The following LRP1B variants were observed in gnomAD, a reference collection of about 807,000 sequenced individuals.
The protein encoded by LRP1B is low-density lipoprotein receptor-related protein 1B.
In LRP1B, 217 loss-of-function variants were observed where a neutral mutation model predicts 556.6. The observed-to-expected ratio is 0.39, with a 90% confidence interval of 0.35 to 0.44. The LOEUF is 0.44. Ranked by LOEUF, LRP1B falls within the 20% of genes least tolerant of loss-of-function variation. LRP1B has a pLI of 1.00. For synonymous variants in LRP1B, 2,047 were observed against 1,865.8 expected, an observed-to-expected ratio of 1.10 and a Z score of -2.50; for missense variants, 5,053 against 5,620.8, an observed-to-expected ratio of 0.90 and a Z score of 3.23.
At chr2:140,496,169 A>G (rs1291476557) in intron 55 of LRP1B, among the ~76,000 whole-genome samples, 1 of 152,122 alleles carries the variant, frequency 6.6e-6, no homozygotes, top group African/African-American at 2.4e-5. Flanking sequence ...ATGTTATTTC[A>G]TTTGAGCAGT....
intron 2 of LRP1B, among the ~76,000 whole-genome samples, chr2:141,647,319 C>A (rs543965769): frequency 4.6e-5 from 7 of 152,130 alleles, no homozygotes; most frequent in East Asian, 1.9e-4. Context: ...GCCTTAGCAA[C>A]CTTGGAAGCC....
intron 37 of LRP1B, 129 bp downstream of exon 37, chr2:140,715,844 T>G: frequency 3.1e-6 from 2 of 653,138 alleles, no homozygotes; most frequent in Non-Finnish European, 4.8e-6. Context: ...TATAAACATT[T>G]TTTTCTGCTT....
At chr2:140,744,000 T>TAAAAAAAAAAAAAAA (rs1559090792) in intron 35 of LRP1B, among the ~76,000 whole-genome samples, 1 of 46,144 alleles carries the variant, frequency 2.2e-5, no homozygotes. Flanking sequence ...AAGTAAAAAG[T>TAAAAAAAAAAAAAAA]AAAATCCATA....
intron 43 of LRP1B, among the ~76,000 whole-genome samples, chr2:140,593,938 C>A (rs942709159): frequency 6.6e-6 from 1 of 151,830 alleles, no homozygotes; most frequent in Non-Finnish European, 1.5e-5. Flanking sequence ...AGTGTATCAG[C>A]ATTTTTCAAA....
At chr2:142,055,476 A>T (rs144703282) in intron 1 of LRP1B, among the ~76,000 whole-genome samples, 2 of 152,308 alleles carry the variant, frequency 1.3e-5, no homozygotes, top group East Asian at 3.9e-4. Flanking sequence ...AATGTACAGG[A>T]GCCCTTTGAG....
chr2:140,935,611 A>T (rs977674241), intron 20 of LRP1B, among the ~76,000 whole-genome samples: 3 of 152,156 alleles, frequency 2.0e-5, no homozygotes, highest in African/African-American at 7.2e-5. Flanking sequence ...GAATATCTAA[A>T]GAAAACTTTA....
At chr2:141,446,475 C>T (rs1005612299) in intron 3 of LRP1B, among the ~76,000 whole-genome samples, 17 of 152,044 alleles carry the variant, frequency 1.1e-4, no homozygotes, top group African/African-American at 3.9e-4. Context: ...GTTATTTGGC[C>T]CATTAGTTGA....
At chr2:140,396,304 C>T (rs1684255075) in intron 66 of LRP1B, among the ~76,000 whole-genome samples, 1 of 152,154 alleles carries the variant, frequency 6.6e-6, no homozygotes, top group Admixed American at 6.5e-5. Context: ...AAAGTAAATA[C>T]ATTAAAAGTT....
chr2:140,644,391 TTTCTTTTTTC>T (rs1684405286), intron 41 of LRP1B, among the ~76,000 whole-genome samples: 1 of 147,348 alleles, frequency 6.8e-6, no homozygotes, highest in African/African-American at 2.6e-5. Flanking sequence ...CATTTCTTTC[TTTCTTTTTTC>T]TTTTTTTTTT....
At chr2:141,634,702 A>C (rs888533079) in intron 2 of LRP1B, among the ~76,000 whole-genome samples, 5 of 152,100 alleles carry the variant, frequency 3.3e-5, no homozygotes, top group African/African-American at 9.6e-5. Flanking sequence ...TATATAGCTA[A>C]TATTTTTTAT....
At chr2:140,457,127 C>T (rs1573960458) in intron 61 of LRP1B, among the ~76,000 whole-genome samples, 2 of 152,114 alleles carry the variant, frequency 1.3e-5, no homozygotes, top group African/African-American at 4.8e-5. Flanking sequence ...CATAATTCCT[C>T]CTACTCAGCA....
chr2:141,217,135 C>T (rs550959157), intron 6 of LRP1B, among the ~76,000 whole-genome samples: 5 of 152,156 alleles, frequency 3.3e-5, no homozygotes, highest in East Asian at 3.9e-4. Context: ...TAATCTCCAA[C>T]GTTGGAGGTG....
At chr2:141,642,269 C>T (rs531851115) in intron 2 of LRP1B, among the ~76,000 whole-genome samples, 15 of 152,022 alleles carry the variant, frequency 9.9e-5, no homozygotes, top group Non-Finnish European at 2.2e-4. Flanking sequence ...ATTCATTTAC[C>T]TCTCTGAATC....
chr2:141,008,523 T>C (rs941385228), intron 14 of LRP1B, among the ~76,000 whole-genome samples: 2 of 151,662 alleles, frequency 1.3e-5, no homozygotes, highest in African/African-American at 4.8e-5. Flanking sequence ...GAAAAAGACA[T>C]ACTAAATATA....
chr2:140,866,585 A>G (rs1167244201), intron 27 of LRP1B, among the ~76,000 whole-genome samples: 1 of 152,108 alleles, frequency 6.6e-6, no homozygotes, highest in African/African-American at 2.4e-5. Flanking sequence ...AAGAAAATAG[A>G]AACTGAGAAA....
At chr2:141,105,126 A>G (rs940100936) in intron 7 of LRP1B, among the ~76,000 whole-genome samples, 5 of 152,104 alleles carry the variant, frequency 3.3e-5, no homozygotes, top group African/African-American at 1.2e-4. Context: ...TGCATTTATC[A>G]TTTTGGAATT....
intron 7 of LRP1B, among the ~76,000 whole-genome samples, chr2:141,172,598 G>T (rs1680549495): frequency 6.6e-6 from 1 of 151,864 alleles, no homozygotes; most frequent in Non-Finnish European, 1.5e-5. Flanking sequence ...ATGAGCTGTT[G>T]ATATTCACTA....
chr2:141,811,003 GT>G (rs1444436068), intron 1 of LRP1B, among the ~76,000 whole-genome samples: 1 of 150,310 alleles, frequency 6.7e-6, no homozygotes, highest in Non-Finnish European at 1.5e-5. Context: ...TTCCATAAAG[GT>G]TTTTTTTCTA....
At chr2:141,490,854 C>T (rs1432781509) in intron 2 of LRP1B, among the ~76,000 whole-genome samples, 1 of 151,860 alleles carries the variant, frequency 6.6e-6, no homozygotes, top group African/African-American at 2.4e-5. Flanking sequence ...ATTACCCTCA[C>T]ACTCTCCTTG....
Sources: allele counts gnomAD v4.1 joint callset (sites outside exome capture counted in the v4.1 genomes callset), GRCh38; gene constraint gnomAD v4.1.1; transcripts MANE v1.5; gene names NCBI Gene and HGNC (gene_info 2026-07-23, HGNC 2026-07-21).